MACF1: variants seen among roughly 807,000 people sequenced by gnomAD.
The protein encoded by MACF1 is microtubule actin crosslinking factor 1, also known as microtubule-actin cross-linking factor 1.
Under a neutral mutation model 854.8 loss-of-function variants are expected in MACF1, and 193 were observed. The ratio of observed to expected loss-of-function variants is 0.23; its 90% CI spans 0.20 to 0.25. The LOEUF (loss-of-function observed/expected upper bound fraction) is 0.25, where lower values mean the gene tolerates loss of function less well. Ranked by LOEUF, MACF1 falls within the 10% of genes least tolerant of loss-of-function variation. The pLI, the probability that MACF1 is intolerant of heterozygous loss-of-function variation, is 1.00. For synonymous variants in MACF1, 3,185 were observed against 3,226.7 expected (o/e 0.99, Z 0.44); for missense variants, 7,722 against 8,929.1 (o/e 0.86, Z 5.45).
intron 71 of MACF1, among the ~76,000 whole-genome samples, chr1:39,438,527 A>G (rs946583328): frequency 2.6e-5 from 4 of 152,216 alleles, no homozygotes; most frequent in African/African-American, 9.7e-5. Flanking sequence ...GCTCATGCCT[A>G]TAATCCCAGC....
At chr1:39,192,969 G>C (rs373940472) in intron 2 of MACF1, among the ~76,000 whole-genome samples, 1 of 152,026 alleles carries the variant, frequency 6.6e-6, no homozygotes, top group South Asian at 2.1e-4. Context: ...AAAATTAGAC[G>C]GGCATGGTGG....
chr1:39,407,436 GC>G (rs1376537043), intron 58 of MACF1, among the ~76,000 whole-genome samples: 1 of 152,192 alleles, frequency 6.6e-6, no homozygotes, highest in Non-Finnish European at 1.5e-5. Context: ...CTGGGGCAGT[GC>G]CTTTAAAAGT....
intron 1 of MACF1, among the ~76,000 whole-genome samples, chr1:39,217,882 CAAA>C (rs751580827): frequency 1.5e-4 from 15 of 100,030 alleles, no homozygotes; most frequent in Admixed American, 2.3e-4. Flanking sequence ...GACCCTGTCT[CAAA>C]AAAAAAAAAA....
intron 2 of MACF1, among the ~76,000 whole-genome samples, chr1:39,182,465 A>C (rs1235926396): frequency 6.6e-6 from 1 of 152,198 alleles, no homozygotes; most frequent in Non-Finnish European, 1.5e-5. Flanking sequence ...ATATCTAATA[A>C]GGGACTTATA....
chr1:39,115,937 T>G (rs988976770), intron 2 of MACF1, among the ~76,000 whole-genome samples: 1 of 152,212 alleles, frequency 6.6e-6, no homozygotes, highest in Non-Finnish European at 1.5e-5. Context: ...TAAAGGTTAC[T>G]GCTACTGGAA....
chr1:39,109,684 A>C (rs1642344988), intron 2 of MACF1, among the ~76,000 whole-genome samples: 2 of 152,018 alleles, frequency 1.3e-5, no homozygotes, highest in East Asian at 3.8e-4. Flanking sequence ...AAGCTTTATA[A>C]TATCCTGAAG....
chr1:39,163,670 T>A (rs906107356), intron 2 of MACF1, among the ~76,000 whole-genome samples: 2 of 152,152 alleles, frequency 1.3e-5, no homozygotes, highest in Non-Finnish European at 2.9e-5. Flanking sequence ...ATCTTAGAGC[T>A]TTACTTGGGA....
chr1:39,111,288 C>T lies in MACF1; in HGVS notation c.220+26850C>T, dbSNP rs570737226. Among the ~76,000 whole-genome samples, 19 of 152,278 alleles carry T rather than the reference C, an allele frequency of 1.2e-4. No homozygotes were observed. In the South Asian group the frequency reaches 3.3e-3, roughly 27 times the overall value. ...GTAGCTCACTCTAACCTCAAACCCC[C>T]GGGCTCACATGATCCTCCCATCTCA... is the stretch of plus-strand genomic sequence containing the variant. On this transcript the variant is annotated intron_variant, in intron 2 of 93. Transcript: ENST00000361689.
chr1:39,368,646 C>T (rs370461070), intron 50 of MACF1, among the ~76,000 whole-genome samples: 6 of 151,920 alleles, frequency 3.9e-5, no homozygotes, highest in South Asian at 2.1e-4. Context: ...GGATTACAGG[C>T]GCCCACCACC....
At position 39,293,473 on chromosome 1, in the gene MACF1, C is replaced by A. The variant is rs764334835; in HGVS notation, c.2008C>A (p.Arg670=). 3 of 1,611,052 alleles carry A rather than the reference C, an allele frequency of 1.9e-6. No individual in the cohort carries two copies. Among genetic ancestry groups the A allele is most frequent in the Non-Finnish European group, 1.7e-6 (2 of 1,178,278 alleles). The part of the protein sequence containing the change: ...YCKLKETSSF[R]MRHLQSLHKF... ...CTTTGTCTAGGAAACTTCTAGCTTC[C>A]GGATGAGGCACCTTCAGAGCCTGCA... is the stretch of plus-strand genomic sequence containing the variant. Residue 670 remains arginine (R), a synonymous_variant, in exon 18 of 101, where the codon CGG becomes AGG. Coordinates refer to ENST00000564288, the MANE Select transcript of MACF1 (RefSeq NM_001394062.1).
At chr1:39,137,964 C>T (rs931298016) in intron 2 of MACF1, among the ~76,000 whole-genome samples, 2 of 149,730 alleles carry the variant, frequency 1.3e-5, no homozygotes, top group African/African-American at 4.9e-5. Flanking sequence ...ATCCCAGCTA[C>T]TAGGGAGGCT....
intron 20 of MACF1, among the ~76,000 whole-genome samples, chr1:39,296,754 G>A (rs1645912761): frequency 3.5e-5 from 2 of 57,790 alleles, no homozygotes; most frequent in South Asian, 1.3e-3. Flanking sequence ...AAGAAAGAAA[G>A]GAAGGAAGGA....
intron 38 of MACF1, 114 bp downstream of exon 38, chr1:39,337,445 A>G (rs1646832569): frequency 1.0e-6 from 1 of 978,158 alleles, no homozygotes; most frequent in East Asian, 2.6e-5. Flanking sequence ...TAGGGTAAAC[A>G]ATCTCAGACC....
At chr1:39,431,172 G>C (rs997204853) in intron 66 of MACF1, among the ~76,000 whole-genome samples, 1 of 152,184 alleles carries the variant, frequency 6.6e-6, no homozygotes, top group Non-Finnish European at 1.5e-5. Context: ...CTAATGCCCT[G>C]CTAAGAAGGC....
chr1:39,150,010 A>G (rs753217871), intron 2 of MACF1, among the ~76,000 whole-genome samples: 1 of 150,968 alleles, frequency 6.6e-6, no homozygotes, highest in Non-Finnish European at 1.5e-5. Flanking sequence ...AACTCCTAGA[A>G]CCTGGGACTA....
intron 90 of MACF1, chr1:39,458,737 A>G (rs944507039): frequency 5.7e-6 from 3 of 528,200 alleles, no homozygotes; most frequent in African/African-American, 3.8e-5. Flanking sequence ...TGGCCTTTCC[A>G]TTGTTTTGGT....
chr1:39,085,285 A>G (rs754388097), intron 2 of MACF1, among the ~76,000 whole-genome samples: 6 of 152,214 alleles, frequency 3.9e-5, no homozygotes, highest in Non-Finnish European at 8.8e-5. Flanking sequence ...TTTTGGCTCA[A>G]TAAAGGAGAT....
intron 70 of MACF1, among the ~76,000 whole-genome samples, chr1:39,437,432 T>C (rs12061335): frequency 0.031 from 4,758 of 152,092 alleles, 230 homozygotes; most frequent in African/African-American, 0.11. Context: ...TGCCTCAGCC[T>C]CCCTAGTAGC....
intron 31 of MACF1, among the ~76,000 whole-genome samples, chr1:39,322,103 C>G (rs923295542): frequency 1.3e-5 from 2 of 152,132 alleles, no homozygotes; most frequent in Non-Finnish European, 2.9e-5. Context: ...ATCTAAGATT[C>G]TAATCCTAAC....
Sources: gnomAD v4.1 joint callset for allele counts (sites outside exome capture counted in the v4.1 genomes callset) on GRCh38, gnomAD v4.1.1 for gene constraint, MANE v1.5 for transcripts, NCBI Gene and HGNC (gene_info 2026-07-23, HGNC 2026-07-21) for gene names.